BACE2: variants seen among roughly 807,000 people sequenced by gnomAD.
BACE2 encodes 56 kDa aspartic-like protease.
Under a neutral mutation model 46.2 loss-of-function variants are expected in BACE2, and 17 were observed. The ratio of observed to expected loss-of-function variants is 0.37; its 90% CI spans 0.25 to 0.55. BACE2 has a LOEUF of 0.55. Among genes scored for constraint, BACE2 ranks in the 20% least tolerant of loss-of-function variants. The pLI is 0.82. For missense variants in BACE2, 595 were observed against 698.1 expected, an observed-to-expected ratio of 0.85 and a Z score of 1.66; for synonymous variants, 277 against 295.9, an observed-to-expected ratio of 0.94 and a Z score of 0.66.
chr21:41,252,160 C>CTCATAGTG (rs1453038448), intron 7 of BACE2, among the ~76,000 whole-genome samples: 2 of 152,152 alleles, frequency 1.3e-5, no homozygotes, highest in Admixed American at 1.3e-4. Flanking sequence ...GCAGTGCGTC[C>CTCATAGTG]CCATGATTTA....
In BACE2 at chr21:41,257,312, C is replaced by G. The variant is rs1322689391; in HGVS notation, c.1289C>G (p.Ala430Gly). 6.2e-7 allele frequency: 1 copy of G among 1,613,780 alleles called. No homozygotes were observed. The highest frequency in any genetic ancestry group is 8.5e-7 in the Non-Finnish European group (1 of 1,179,994). ...GCCCAGAAGAGGGTGGGCTTCGCAG[C>G]GAGCCCCTGTGCAGGTGAGCGATTC... ...DRAQKRVGFA[A>G]SPCAEIAGAA... The change falls in exon 8 of 9, where the codon GCG becomes GGG. Residue 430 changes from alanine (A) to glycine (G), a missense_variant. Ala to Gly is a moderately conservative substitution (Grantham distance 60, BLOSUM62 0). Transcript: ENST00000330333.
chr21:41,198,846 G>A (rs1431145669), intron 1 of BACE2, among the ~76,000 whole-genome samples: 2 of 139,568 alleles, frequency 1.4e-5, no homozygotes, highest in Admixed American at 7.2e-5. Flanking sequence ...ATCTCTGTAC[G>A]CTTTTTATTT....
intron 1 of BACE2, among the ~76,000 whole-genome samples, chr21:41,204,205 T>C (rs1414099455): frequency 2.0e-5 from 3 of 152,170 alleles, no homozygotes. Flanking sequence ...GTTTTTGTTT[T>C]GTTTTTTGTT....
At chr21:41,227,398 G>C (rs868376129) in intron 2 of BACE2, among the ~76,000 whole-genome samples, 44 of 152,182 alleles carry the variant, frequency 2.9e-4, no homozygotes, top group African/African-American at 1.0e-3. Context: ...GGAAATAAAG[G>C]CCAGCTCTAG....
At position 41,179,414 on chromosome 21, in the gene BACE2, G is replaced by A. The variant is rs1985009398; in HGVS notation, c.312+10839G>A. 3.0e-6 allele frequency: 4 copies of A among 1,331,914 alleles called. No homozygotes were observed. The African/African-American group carries it at 4.7e-5, about 16-fold the overall frequency. 82.5% of individuals were successfully genotyped at this position (1,331,914 alleles called of 1,614,324 possible). On this transcript the variant is annotated intron_variant, in intron 1 of 8. Transcript: ENST00000330333. Reference sequence around the variant, plus strand: ...GGGTGAGTGAGGGTGTCCAGGGTGAGTGAGGGTGTCAGGGTGAGTGAACGT... The same window carrying A: ...GGGTGAGTGAGGGTGTCCAGGGTGAATGAGGGTGTCAGGGTGAGTGAACGT...
At chr21:41,255,285 G>A (rs1987750458) in intron 7 of BACE2, among the ~76,000 whole-genome samples, 1 of 152,190 alleles carries the variant, frequency 6.6e-6, no homozygotes, top group South Asian at 2.1e-4. Context: ...GAGGAGTTGG[G>A]AGTCTCAGGC....
In BACE2 at chr21:41,245,953, C is replaced by T. The variant is rs767965843; in HGVS notation, c.883-9C>T. 2.3e-5 allele frequency: 36 copies of T among 1,598,412 alleles called. No individual in the cohort carries two copies. Among genetic ancestry groups the T allele is most frequent in the Middle Eastern group, 1.7e-4 (1 of 6,042 alleles). ...CTCACGCACCTTTCCCTTTCTCTCC[C>T]GGTTCAAGTATAACGCAGACAAGGC... On this transcript the variant is annotated splice_polypyrimidine_tract_variant and intron_variant, in intron 5 of 8. Transcript: ENST00000330333.
chr21:41,208,433 A>T (rs1347119761), intron 1 of BACE2, among the ~76,000 whole-genome samples: 1 of 152,098 alleles, frequency 6.6e-6, no homozygotes, highest in Non-Finnish European at 1.5e-5. Flanking sequence ...GCTCTGCTCC[A>T]CTCGCCCAAG....
At chr21:41,197,597 A>C (rs750589548) in intron 1 of BACE2, among the ~76,000 whole-genome samples, 8 of 152,110 alleles carry the variant, frequency 5.3e-5, no homozygotes, top group Non-Finnish European at 1.2e-4. Context: ...TTGAACCCTT[A>C]ACTTGGAGAC....
intron 1 of BACE2, chr21:41,182,529 G>C (rs777820586): frequency 3.0e-5 from 5 of 166,860 alleles, no homozygotes; most frequent in East Asian, 3.8e-4. Context: ...CTAAAGGGGA[G>C]GGGGGAAGGT....
At chr21:41,275,222 C>G (rs1348089276) in intron 8 of BACE2, 149 bp from the exon 9 acceptor site, 31 of 1,075,436 alleles carry the variant, frequency 2.9e-5, no homozygotes, top group Non-Finnish European at 3.9e-5. Flanking sequence ...AGCCGTGACC[C>G]CACTCAGTGC....
intron 3 of BACE2, among the ~76,000 whole-genome samples, chr21:41,241,426 G>A (rs563623486): frequency 2.0e-4 from 31 of 152,202 alleles, no homozygotes; most frequent in Middle Eastern, 3.4e-3. Flanking sequence ...AGATGTCTGC[G>A]GCCATGGCAG....
chr21:41,221,102 A>G (rs1986630814), intron 1 of BACE2, among the ~76,000 whole-genome samples: 1 of 151,822 alleles, frequency 6.6e-6, no homozygotes, highest in African/African-American at 2.4e-5. Flanking sequence ...TTCACTTCAA[A>G]CCTTCATCCC....
chr21:41,237,072 G>A (rs1321479101), intron 2 of BACE2, among the ~76,000 whole-genome samples: 1 of 152,218 alleles, frequency 6.6e-6, no homozygotes, highest in Non-Finnish European at 1.5e-5. Flanking sequence ...CAGGCTTACA[G>A]TAGACTTTCT....
chr21:41,230,613 G>A (rs915879345), intron 2 of BACE2, among the ~76,000 whole-genome samples: 3 of 152,136 alleles, frequency 2.0e-5, no homozygotes, highest in Admixed American at 6.5e-5. Context: ...GGGTTTGTCC[G>A]CCTCTGATTC....
At chr21:41,251,984 C>A (rs1568887399) in intron 7 of BACE2, among the ~76,000 whole-genome samples, 2 of 152,148 alleles carry the variant, frequency 1.3e-5, no homozygotes, top group South Asian at 2.1e-4. Context: ...TCTTCCTCCT[C>A]CCCTCCGTTA....
Position 41,241,952 on chromosome 21 carries a change from G to A in BACE2, c.747+5G>A. On this transcript the variant is annotated splice_donor_5th_base_variant and intron_variant, in intron 4 of 8. Transcript: ENST00000330333. ...GGGACCAACGGAGGTAGTCTTGTGG[G>A]TATCTTTTAGTCTTAAAGGGGCGAA... 1.9e-6 allele frequency: 3 copies of A among 1,614,012 alleles called. No individual in the cohort carries two copies. The highest frequency in any genetic ancestry group is 2.5e-6 in the Non-Finnish European group (3 of 1,179,982).
rs73364446 is a variant in BACE2, at chr21:41,197,943, T to A, written c.313-28323T>A. 7.1e-3 allele frequency among the ~76,000 whole-genome samples: 1,075 copies of A among 152,286 alleles called. 17 individuals carry two copies. Among genetic ancestry groups the A allele is most frequent in the African/African-American group, 0.024 (1,004 of 41,544 alleles). The stretch of plus-strand genomic sequence containing the variant: ...GTGATGTACAAAGGGAGGATATGCA[T>A]AAGGGGTAGATATATACACACATAG... On this transcript the variant is annotated intron_variant, in intron 1 of 8. Transcript: ENST00000330333.
Position 41,187,093 on chromosome 21 carries a change from G to A in BACE2, c.312+18518G>A, listed in dbSNP as rs112955309. Reference sequence around the variant, plus strand: ...CCCGCCTCCTGCCTCACCAGGAGTCGCAGGTAAGAGTGTGTGTCATGGAGG... The same window carrying A: ...CCCGCCTCCTGCCTCACCAGGAGTCACAGGTAAGAGTGTGTGTCATGGAGG... On this transcript the variant is annotated intron_variant, in intron 1 of 8. Transcript: ENST00000330333. Among the ~76,000 whole-genome samples, 1,156 of 152,294 alleles carry A rather than the reference G, an allele frequency of 7.6e-3. 11 individuals carry two copies. The highest frequency in any genetic ancestry group is 0.026 in the African/African-American group (1,087 of 41,548).
Sources: gnomAD v4.1 joint callset for allele counts (sites outside exome capture counted in the v4.1 genomes callset) on GRCh38, gnomAD v4.1.1 for gene constraint, MANE v1.5 for transcripts, NCBI Gene and HGNC (gene_info 2026-07-23, HGNC 2026-07-21) for gene names.